Variants in SYN3 observed in about 807,000 individuals in gnomAD.
SYN3 encodes synapsin-3.
A neutral mutation model predicts 65.8 loss-of-function variants in SYN3; 35 were observed. The ratio of observed to expected loss-of-function variants is 0.53; its 90% confidence interval spans 0.41 to 0.70. SYN3 has a LOEUF of 0.70. SYN3 is among the 30% of genes least tolerant of loss of function. The pLI is 0.00. For synonymous variants in SYN3, 270 were observed against 292.9 expected, an observed-to-expected ratio of 0.92 and a Z score of 0.80; for missense variants, 680 against 749.0, an observed-to-expected ratio of 0.91 and a Z score of 1.08.
intron 7 of SYN3, among the ~76,000 whole-genome samples, chr22:32,569,692 T>G (rs944695485): frequency 1.3e-5 from 2 of 152,074 alleles, no homozygotes; most frequent in African/African-American, 4.8e-5. Flanking sequence ...GAGCATGGTT[T>G]GGGAGTCAGG....
chr22:32,927,252 T>G (rs1000419990), intron 4 of SYN3, among the ~76,000 whole-genome samples: 1 of 145,174 alleles, frequency 6.9e-6, no homozygotes, highest in Non-Finnish European at 1.5e-5. Context: ...AGCCTGCTAT[T>G]AATATATTTA....
chr22:32,814,227 GAAAA>G (rs1246463192), intron 6 of SYN3, among the ~76,000 whole-genome samples: 20 of 123,080 alleles, frequency 1.6e-4, no homozygotes, highest in Admixed American at 7.7e-4. Context: ...AGGAAAGAAA[GAAAA>G]AAAAAGAAAG....
chr22:32,927,003 G>A (rs1194585783), intron 4 of SYN3, among the ~76,000 whole-genome samples: 1 of 152,180 alleles, frequency 6.6e-6, no homozygotes, highest in Non-Finnish European at 1.5e-5. Flanking sequence ...GGGGACAGGA[G>A]TGTGGTGGAC....
At chr22:32,649,178 A>G (rs2060026289) in intron 6 of SYN3, among the ~76,000 whole-genome samples, 1 of 152,188 alleles carries the variant, frequency 6.6e-6, no homozygotes, top group African/African-American at 2.4e-5. Flanking sequence ...CAAACGTGAC[A>G]CAAACAGTGG....
rs528826499 is a variant in SYN3 at position 32,629,052 on chromosome 22, C to T, written c.712-32316G>A. Among the ~76,000 whole-genome samples the T allele has an allele frequency of 3.3e-5, 5 of 152,266 alleles. 1 individual carries two copies. In the South Asian group the frequency reaches 1.0e-3, roughly 32 times the overall value. On this transcript the variant is annotated intron_variant, in intron 6 of 13. Transcript: ENST00000358763. ...CAGGCAAGCTGGGCAGGTTTATGAGCTCGGAGCCTGAGAGGTGAAAGGTGA... is the reference window on the plus strand; with the variant it reads ...CAGGCAAGCTGGGCAGGTTTATGAGTTCGGAGCCTGAGAGGTGAAAGGTGA...
chr22:32,952,264 T>C (rs914430587), intron 3 of SYN3, among the ~76,000 whole-genome samples: 1 of 150,056 alleles, frequency 6.7e-6, no homozygotes, highest in African/African-American at 2.5e-5. Flanking sequence ...AGTGTGTGTG[T>C]GCGCACACGC....
intron 6 of SYN3, among the ~76,000 whole-genome samples, chr22:32,751,116 G>A (rs543524774): frequency 1.3e-5 from 2 of 149,548 alleles, no homozygotes; most frequent in Non-Finnish European, 1.5e-5. Flanking sequence ...GCCCCCAGCC[G>A]GTGTTGAAGC....
At chr22:33,031,883 TTTAGGCAC>T (rs929687391) in intron 1 of SYN3, among the ~76,000 whole-genome samples, 4 of 151,754 alleles carry the variant, frequency 2.6e-5, no homozygotes, top group African/African-American at 9.7e-5. Flanking sequence ...CCTTTTGGAG[TTTAGGCAC>T]AATGGACCAA....
At chr22:32,529,464 G>A (rs894272849) in intron 10 of SYN3, among the ~76,000 whole-genome samples, 5 of 152,154 alleles carry the variant, frequency 3.3e-5, no homozygotes, top group Non-Finnish European at 7.4e-5. Context: ...GTTGACCCAG[G>A]GTTCAGAGGA....
chr22:32,950,252 A>G (rs1468221865), intron 3 of SYN3, among the ~76,000 whole-genome samples: 1 of 152,188 alleles, frequency 6.6e-6, no homozygotes, highest in East Asian at 1.9e-4. Context: ...TAATGCTAGA[A>G]CAACTTCAGA....
chr22:32,932,642 T>A (rs1166988770), intron 3 of SYN3, among the ~76,000 whole-genome samples: 1 of 152,152 alleles, frequency 6.6e-6, no homozygotes, highest in Non-Finnish European at 1.5e-5. Context: ...ATCTTTTGGG[T>A]TGCCTATTTG....
At chr22:32,824,246 C>A (rs1449933537) in intron 6 of SYN3, among the ~76,000 whole-genome samples, 1 of 146,464 alleles carries the variant, frequency 6.8e-6, no homozygotes. Flanking sequence ...CCACTGCACT[C>A]CAGCCTGGGC....
chr22:32,761,549 G>C (rs146228994), intron 6 of SYN3, among the ~76,000 whole-genome samples: 74 of 152,302 alleles, frequency 4.9e-4, no homozygotes, highest in African/African-American at 1.7e-3. Flanking sequence ...TGCTCCTGAG[G>C]GCTGGCAGCC....
At chr22:32,868,028 C>A (rs2048735149) in intron 5 of SYN3, among the ~76,000 whole-genome samples, 1 of 152,174 alleles carries the variant, frequency 6.6e-6, no homozygotes, top group Admixed American at 6.5e-5. Flanking sequence ...TGTGGCCTCA[C>A]CACTCACTGA....
intron 6 of SYN3, among the ~76,000 whole-genome samples, chr22:32,690,745 G>C (rs1601920810): frequency 6.6e-6 from 1 of 152,318 alleles, no homozygotes; most frequent in East Asian, 1.9e-4. Context: ...CAGGAAGACA[G>C]GGAGGAAGAA....
intron 4 of SYN3, among the ~76,000 whole-genome samples, chr22:32,892,015 G>T (rs2049461395): frequency 1.3e-5 from 2 of 149,598 alleles, no homozygotes; most frequent in Non-Finnish European, 3.0e-5. Flanking sequence ...TAAAAAGCTG[G>T]CTGGGCGCAT....
chr22:32,569,559 C>CTATATATATATATATATA (rs1289552626), intron 7 of SYN3, among the ~76,000 whole-genome samples: 4 of 51,200 alleles, frequency 7.8e-5, no homozygotes, highest in Admixed American at 2.6e-4. Context: ...CTCTCTCTCT[C>CTATATATATATATATATA]TCTCTCTCTC....
At chr22:32,810,480 G>A (rs2046887786) in intron 6 of SYN3, among the ~76,000 whole-genome samples, 1 of 145,990 alleles carries the variant, frequency 6.8e-6, no homozygotes, top group African/African-American at 2.5e-5. Context: ...GAGAGCCCAA[G>A]GTAAAGTTCA....
intron 4 of SYN3, among the ~76,000 whole-genome samples, chr22:32,883,396 G>C (rs1487669693): frequency 6.6e-6 from 1 of 152,184 alleles, no homozygotes; most frequent in Non-Finnish European, 1.5e-5. Context: ...CAGCTTTCTA[G>C]AAAGCCCTCT....
Sources: gnomAD v4.1 joint callset for allele counts (sites outside exome capture counted in the v4.1 genomes callset) on GRCh38, gnomAD v4.1.1 for gene constraint, MANE v1.5 for transcripts, NCBI Gene and HGNC (gene_info 2026-07-23, HGNC 2026-07-21) for gene names.